The following SMARCC1 variants were observed in gnomAD, a reference collection of about 807,000 sequenced individuals.
SMARCC1 encodes SWI/SNF complex subunit SMARCC1.
SMARCC1 carries 43 observed loss-of-function variants against 147.4 expected under a neutral mutation model. The observed-to-expected ratio is 0.29, with a 90% CI of 0.23 to 0.38. The LOEUF is 0.38. Among genes scored for constraint, SMARCC1 ranks in the 10% least tolerant of loss-of-function variants. The pLI, the probability that SMARCC1 is intolerant of heterozygous loss-of-function variation, is 1.00. For missense variants in SMARCC1, 1,119 were observed against 1,381.1 expected (o/e 0.81, Z 3.01); for synonymous variants, 495 against 484.4 (o/e 1.02, Z -0.29).
At chr3:47,665,040 C>T (rs2033404675) in intron 19 of SMARCC1, among the ~76,000 whole-genome samples, 1 of 151,890 alleles carries the variant, frequency 6.6e-6, no homozygotes, top group Non-Finnish European at 1.5e-5. Flanking sequence ...ACTGTATTGC[C>T]CAGGATGGTC....
chr3:47,690,847 G>A (rs965443512), intron 12 of SMARCC1, among the ~76,000 whole-genome samples: 1 of 152,140 alleles, frequency 6.6e-6, no homozygotes, highest in African/African-American at 2.4e-5. Context: ...GAAATAATAT[G>A]GTATTAATTA....
chr3:47,761,046 T>TTCCCTG (rs1251536246), intron 2 of SMARCC1, among the ~76,000 whole-genome samples: 18 of 151,964 alleles, frequency 1.2e-4, no homozygotes, highest in Non-Finnish European at 2.2e-4. Context: ...GACAGGAGAA[T>TTCCCTG]GGCTTGAACC....
rs1015710133 is a variant in SMARCC1 at position 47,604,830 on chromosome 3, C to G, written c.3043+5236G>C. 4.6e-4 allele frequency among the ~76,000 whole-genome samples: 70 copies of G among 151,804 alleles called. 1 individual carries two copies. Among genetic ancestry groups the G allele is most frequent in the African/African-American group, 1.7e-3 (69 of 41,324 alleles). ...TCCCGTGCCTCGGCCTCCTGAGTAG[C>G]TGGAATTACAGGTGTGTGCCACCAT... On this transcript the variant is annotated intron_variant, in intron 26 of 27. Transcript: ENST00000254480.
In SMARCC1 at chr3:47,588,126, C is replaced by T; in HGVS notation, c.*83G>A. ...TGAGAAGAAAAATCCTGAAAGAAAC[C>T]CAAGAAAGTTGAGGAACACAAGTCT... is the stretch of plus-strand genomic sequence containing the variant. On this transcript the variant is annotated 3_prime_UTR_variant, in exon 28 of 28. Transcript: ENST00000254480. 2.6e-6 allele frequency: 3 copies of T among 1,137,146 alleles called. No individual in the cohort carries two copies. The highest frequency in any genetic ancestry group is 1.6e-5 in the African/African-American group (1 of 63,888). The allele number at this position is 1,137,146 out of a possible 1,614,324, so 70.4% of individuals were successfully genotyped here.
chr3:47,656,518 A>G (rs1006342350), intron 21 of SMARCC1, among the ~76,000 whole-genome samples: 9 of 152,230 alleles, frequency 5.9e-5, no homozygotes, highest in Admixed American at 5.2e-4. Flanking sequence ...CTAAGTCTCA[A>G]CTTCTCAAAT....
intron 5 of SMARCC1, among the ~76,000 whole-genome samples, chr3:47,733,403 G>A (rs1045933235): frequency 6.6e-6 from 1 of 151,698 alleles, no homozygotes; most frequent in African/African-American, 2.4e-5. Flanking sequence ...GGAAGACCCT[G>A]TCTCTTCAAA....
intron 2 of SMARCC1, among the ~76,000 whole-genome samples, chr3:47,757,796 A>AAAAAG (rs1553691158): frequency 4.0e-5 from 6 of 151,434 alleles, no homozygotes; most frequent in African/African-American, 1.5e-4. Context: ...AAAAAAAAAA[A>AAAAAG]AAAGAAAGAA....
chr3:47,717,714 G>A (rs1386187045), intron 7 of SMARCC1, among the ~76,000 whole-genome samples: 1 of 151,916 alleles, frequency 6.6e-6, no homozygotes, highest in Non-Finnish European at 1.5e-5. Context: ...CTACAGGCAC[G>A]TGTCATCATG....
At chr3:47,755,225 G>A (rs188710985) in intron 2 of SMARCC1, among the ~76,000 whole-genome samples, 8 of 151,726 alleles carry the variant, frequency 5.3e-5, no homozygotes, top group Non-Finnish European at 7.4e-5. Context: ...AATTAAGGGC[G>A]GGCACGGTGG....
intron 8 of SMARCC1, among the ~76,000 whole-genome samples, chr3:47,712,583 C>T (rs1165294011): frequency 6.6e-6 from 1 of 152,126 alleles, no homozygotes; most frequent in East Asian, 1.9e-4. Context: ...ATTTAACTCT[C>T]CTAAGCACAG....
intron 21 of SMARCC1, among the ~76,000 whole-genome samples, chr3:47,643,296 C>T (rs1346576530): frequency 6.6e-6 from 1 of 152,156 alleles, no homozygotes; most frequent in Non-Finnish European, 1.5e-5. Context: ...AGTAGCAATG[C>T]ATCTAAGGGA....
chr3:47,594,796 T>C (rs1487058303), intron 26 of SMARCC1, among the ~76,000 whole-genome samples: 1 of 152,128 alleles, frequency 6.6e-6, no homozygotes, highest in African/African-American at 2.4e-5. Context: ...GGCGGGACTG[T>C]GAGGCCACAT....
At chr3:47,708,083 C>CTTTTTTCTTTTTTT (rs2034032931) in intron 9 of SMARCC1, among the ~76,000 whole-genome samples, 4 of 64,270 alleles carry the variant, frequency 6.2e-5, no homozygotes, top group African/African-American at 2.7e-4. Context: ...AATTTTTTTT[C>CTTTTTTCTTTTTTT]TTTTTTTTTT....
At chr3:47,603,303 T>C (rs1405899392) in intron 26 of SMARCC1, 2 of 152,002 alleles carry the variant, frequency 1.3e-5, no homozygotes, top group African/African-American at 4.8e-5. Flanking sequence ...GTGCCTGTAA[T>C]CCCAGCTACT....
chr3:47,715,546 G>A (rs1450699515), intron 7 of SMARCC1, among the ~76,000 whole-genome samples: 3 of 152,142 alleles, frequency 2.0e-5, no homozygotes, highest in Non-Finnish European at 4.4e-5. Flanking sequence ...TGGTTTTCCT[G>A]CTTCTGCCAT....
At chr3:47,667,952 G>C (rs2033444201) in intron 19 of SMARCC1, among the ~76,000 whole-genome samples, 1 of 152,056 alleles carries the variant, frequency 6.6e-6, no homozygotes, top group Non-Finnish European at 1.5e-5. Flanking sequence ...TGAGGCAGGA[G>C]GATCACTAGA....
At chr3:47,749,725 A>ACACACACACACACAAAGT (rs2034606108) in intron 2 of SMARCC1, among the ~76,000 whole-genome samples, 1 of 103,682 alleles carries the variant, frequency 9.6e-6, no homozygotes, top group Non-Finnish European at 2.1e-5. Context: ...ACACACACAC[A>ACACACACACACACAAAGT]GAGAAAGAGA....
intron 6 of SMARCC1, among the ~76,000 whole-genome samples, chr3:47,726,157 G>A (rs897236539): frequency 6.6e-6 from 1 of 150,660 alleles, no homozygotes; most frequent in South Asian, 2.1e-4. Flanking sequence ...TACTTGGGAG[G>A]CTGAGGTGGG....
chr3:47,669,589 G>A (rs185227690), intron 19 of SMARCC1, among the ~76,000 whole-genome samples: 146 of 152,186 alleles, frequency 9.6e-4, no homozygotes, highest in African/African-American at 3.3e-3. Flanking sequence ...AGCTCTCTGC[G>A]TATCACTGAT....
Sources: gnomAD v4.1 joint callset for allele counts (sites outside exome capture counted in the v4.1 genomes callset) on GRCh38, gnomAD v4.1.1 for gene constraint, MANE v1.5 for transcripts, NCBI Gene and HGNC (gene_info 2026-07-23, HGNC 2026-07-21) for gene names.